CSMD1: variants seen among roughly 807,000 people sequenced by gnomAD.
The protein encoded by CSMD1 is CUB and Sushi multiple domains 1.
A neutral mutation model predicts 417.5 loss-of-function variants in CSMD1; 213 were observed. The observed-to-expected ratio is 0.51, with a 90% CI of 0.46 to 0.57. The LOEUF (loss-of-function observed/expected upper bound fraction) is 0.57. Ranked by LOEUF, CSMD1 falls within the 20% of genes least tolerant of loss-of-function variation. CSMD1 has a pLI of 0.00. For synonymous variants in CSMD1, 2,862 were observed against 1,736.8 expected (o/e 1.65, Z -16.11); for missense variants, 6,923 against 4,529.7 (o/e 1.53, Z -15.17).
intron 1 of CSMD1, among the ~76,000 whole-genome samples, chr8:4,806,733 AC>A (rs1798610412): frequency 6.6e-6 from 1 of 152,216 alleles, no homozygotes; most frequent in African/African-American, 2.4e-5. Context: ...CATTCATTGA[AC>A]GATGAACTTC....
chr8:4,249,662 G>A (rs967196225), intron 3 of CSMD1, among the ~76,000 whole-genome samples: 6 of 152,132 alleles, frequency 3.9e-5, no homozygotes, highest in Non-Finnish European at 4.4e-5. Context: ...CTTGAGAGCT[G>A]CCAGCTCTCT....
chr8:3,378,243 T>C (rs1810433211), intron 18 of CSMD1, among the ~76,000 whole-genome samples: 1 of 152,108 alleles, frequency 6.6e-6, no homozygotes, highest in African/African-American at 2.4e-5. Flanking sequence ...GTTCTGAAAT[T>C]GAAGCAGTAA....
intron 54 of CSMD1, among the ~76,000 whole-genome samples, chr8:2,988,301 T>C (rs1170540173): frequency 1.3e-5 from 2 of 152,168 alleles, no homozygotes; most frequent in African/African-American, 4.8e-5. Flanking sequence ...TAAGCATATC[T>C]GGACACATGT....
intron 5 of CSMD1, among the ~76,000 whole-genome samples, chr8:3,828,636 C>G (rs1473844790): frequency 2.0e-5 from 3 of 152,134 alleles, no homozygotes; most frequent in Non-Finnish European, 4.4e-5. Context: ...CAGTCATCGT[C>G]ACACCTATTT....
chr8:4,977,162 A>T (rs1450604065), intron 1 of CSMD1, among the ~76,000 whole-genome samples: 1 of 152,130 alleles, frequency 6.6e-6, no homozygotes, highest in Non-Finnish European at 1.5e-5. Flanking sequence ...TTTGTTTTGA[A>T]CTTTTCCTTG....
chr8:3,312,375 T>A (rs1439846308), intron 23 of CSMD1, among the ~76,000 whole-genome samples: 2 of 152,184 alleles, frequency 1.3e-5, no homozygotes, highest in Non-Finnish European at 2.9e-5. Context: ...CTTGACAGCA[T>A]CATTAAATTT....
intron 7 of CSMD1, among the ~76,000 whole-genome samples, chr8:3,675,419 A>T (rs965637691): frequency 1.3e-5 from 2 of 152,216 alleles, no homozygotes; most frequent in African/African-American, 4.8e-5. Flanking sequence ...TAATGAACAA[A>T]GGAAGTCTTC....
At chr8:3,901,767 T>A (rs770299563) in intron 5 of CSMD1, among the ~76,000 whole-genome samples, 2 of 152,222 alleles carry the variant, frequency 1.3e-5, no homozygotes, top group Non-Finnish European at 2.9e-5. Flanking sequence ...CAAGCCAACA[T>A]AATTTCTGGC....
At chr8:4,155,559 A>G (rs1796791672) in intron 3 of CSMD1, among the ~76,000 whole-genome samples, 1 of 152,216 alleles carries the variant, frequency 6.6e-6, no homozygotes, top group Non-Finnish European at 1.5e-5. Context: ...ATGTCTTAGA[A>G]CGAACGTTCT....
chr8:3,943,919 A>G (rs1593487), intron 5 of CSMD1, among the ~76,000 whole-genome samples: 140,060 of 152,096 alleles, frequency 0.92, 64,556 homozygotes, highest in African/African-American at 0.96. Flanking sequence ...TTAGGTTCTG[A>G]GCCAGAAAAC....
chr8:4,288,963 A>C (rs1006463750), intron 3 of CSMD1, among the ~76,000 whole-genome samples: 1 of 152,208 alleles, frequency 6.6e-6, no homozygotes, highest in East Asian at 1.9e-4. Context: ...AGCTGTAAAA[A>C]TGGTGATACG....
At chr8:3,149,061 G>A (rs1168472612) in intron 40 of CSMD1, among the ~76,000 whole-genome samples, 1 of 152,080 alleles carries the variant, frequency 6.6e-6, no homozygotes, top group Non-Finnish European at 1.5e-5. Context: ...TCAGTTTAAA[G>A]ATATTTCATA....
intron 1 of CSMD1, among the ~76,000 whole-genome samples, chr8:4,933,610 C>G (rs1211610394): frequency 6.6e-6 from 1 of 152,106 alleles, no homozygotes; most frequent in Non-Finnish European, 1.5e-5. Context: ...GCACCAAGTG[C>G]AGACCCCACA....
chr8:3,391,325 T>G (rs974815850), intron 17 of CSMD1, among the ~76,000 whole-genome samples: 1 of 152,206 alleles, frequency 6.6e-6, no homozygotes, highest in African/African-American at 2.4e-5. Flanking sequence ...CAGAGATGAT[T>G]AACAAGATAC....
At chr8:3,972,692 G>A (rs1813169120) in intron 5 of CSMD1, among the ~76,000 whole-genome samples, 1 of 152,186 alleles carries the variant, frequency 6.6e-6, no homozygotes, top group African/African-American at 2.4e-5. Context: ...CATGGATATT[G>A]CAAATAGCTT....
intron 5 of CSMD1, among the ~76,000 whole-genome samples, chr8:3,778,413 A>G (rs1002495401): frequency 6.6e-5 from 10 of 152,190 alleles, no homozygotes; most frequent in Non-Finnish European, 1.5e-4. Flanking sequence ...AAAAGATTCA[A>G]CACTTAAATG....
At chr8:4,690,034 G>A (rs577495315) in intron 1 of CSMD1, among the ~76,000 whole-genome samples, 1 of 152,194 alleles carries the variant, frequency 6.6e-6, no homozygotes, top group Admixed American at 6.5e-5. Context: ...GTTTAGAGAA[G>A]AGAATGGGTT....
At chr8:4,761,067 G>C (rs1007427988) in intron 1 of CSMD1, among the ~76,000 whole-genome samples, 1 of 152,080 alleles carries the variant, frequency 6.6e-6, no homozygotes, top group African/African-American at 2.4e-5. Flanking sequence ...GTGATTATTA[G>C]CAGAAGTATG....
At chr8:4,343,215 A>G (rs559995930) in intron 3 of CSMD1, among the ~76,000 whole-genome samples, 3 of 152,274 alleles carry the variant, frequency 2.0e-5, no homozygotes, top group Admixed American at 1.3e-4. Context: ...TAAAAAGCAC[A>G]TATGATAATC....
Sources: allele counts gnomAD v4.1 joint callset (sites outside exome capture counted in the v4.1 genomes callset), GRCh38; gene constraint gnomAD v4.1.1; transcripts MANE v1.5; gene names NCBI Gene and HGNC (gene_info 2026-07-23, HGNC 2026-07-21).